The following TFDP1 variants were observed in gnomAD, a reference collection of about 807,000 sequenced individuals.
TFDP1 encodes DRTF1-polypeptide 1.
Under a neutral mutation model 48.0 loss-of-function variants are expected in TFDP1, and 6 were observed. That is an observed-to-expected ratio of 0.13 (90% CI 0.07 to 0.25). The LOEUF is 0.25. Among genes scored for constraint, TFDP1 ranks in the 10% least tolerant of loss-of-function variants. The pLI is 1.00. For missense variants in TFDP1, 335 were observed against 543.0 expected (o/e 0.62, Z 3.81); for synonymous variants, 201 against 211.6 (o/e 0.95, Z 0.44).
Position 113,631,515 on chromosome 13 carries a change from T to C in TFDP1, c.187-108T>C, listed in dbSNP as rs2049336667. On this transcript the variant is annotated intron_variant, in intron 4 of 11. Transcript: ENST00000375370. The stretch of plus-strand genomic sequence containing the variant: ...CCTGCTCCGTCATGGCTGCTCACTG[T>C]GGTTAAGGAAATTCAGCAGTGGCTG... 4 of 1,394,412 alleles carry C rather than the reference T, an allele frequency of 2.9e-6. No individual in the cohort carries two copies. In the African/African-American group the frequency reaches 4.4e-5, roughly 15 times the overall value. 86.4% of individuals were successfully genotyped at this position (1,394,412 alleles called of 1,614,324 possible). A position where few individuals can be genotyped will look rare whatever the true frequency, so the allele number is the denominator to read the frequency against.
Position 113,607,732 on chromosome 13 carries a change from C to T in TFDP1, c.13-3264C>T, listed in dbSNP as rs766178955. On this transcript the variant is annotated intron_variant, in intron 2 of 11. Coordinates refer to ENST00000375370, the MANE Select transcript of TFDP1 (RefSeq NM_007111.5). This position sits in a 1 kb window ranked among gnomAD's most constrained non-coding sequence, Gnocchi z 5.2. ...CTGCTGGGGAGGAAGAAGCACTGCC[C>T]GCAAGGAGGGGCTGTGCCAGTGGGT... 4.3e-4 allele frequency among the ~76,000 whole-genome samples: 65 copies of T among 152,242 alleles called. No homozygotes were observed. Among genetic ancestry groups the T allele is most frequent in the Non-Finnish European group, 6.0e-4 (41 of 67,994 alleles).
chr13:113,629,302 C>T (rs867809485), intron 4 of TFDP1, among the ~76,000 whole-genome samples: 63 of 152,214 alleles, frequency 4.1e-4, no homozygotes, highest in Admixed American at 2.9e-3. Flanking sequence ...AACGCATTCC[C>T]AGTGCACTGG....
chr13:113,609,835 G>C (rs9603849), intron 2 of TFDP1, among the ~76,000 whole-genome samples: 7,886 of 152,214 alleles, frequency 0.052, 554 homozygotes, highest in African/African-American at 0.16. Context: ...GTGGCCTCCT[G>C]GGACCCTGGG....
intron 3 of TFDP1, among the ~76,000 whole-genome samples, chr13:113,619,147 G>T (rs1007379186): frequency 6.6e-6 from 1 of 152,210 alleles, no homozygotes; most frequent in African/African-American, 2.4e-5. Flanking sequence ...TCATGTTATT[G>T]TTTGTATTTG....
chr13:113,596,634 G>A (rs1238370965), intron 2 of TFDP1, among the ~76,000 whole-genome samples: 1 of 152,250 alleles, frequency 6.6e-6, no homozygotes, highest in East Asian at 1.9e-4. Flanking sequence ...CAGGCCAGCG[G>A]TGGAGTCGGC....
rs776281605 is a variant in TFDP1, at chr13:113,598,235, G to A, written c.12+12386G>A. Among the ~76,000 whole-genome samples the A allele has an allele frequency of 1.3e-5, 2 of 152,178 alleles. No homozygotes were observed. Among genetic ancestry groups the A allele is most frequent in the African/African-American group, 2.4e-5 (1 of 41,440 alleles). Reference sequence around the variant, plus strand: ...CGGTGCAGCCCACCCCAAAGACAGCGGGAGGCAGGATGCAAGCACCTTTTT... The same window carrying A: ...CGGTGCAGCCCACCCCAAAGACAGCAGGAGGCAGGATGCAAGCACCTTTTT... On this transcript the variant is annotated intron_variant, in intron 2 of 11. Transcript: ENST00000375370. This position sits in a 1 kb window ranked among gnomAD's most constrained non-coding sequence, Gnocchi z 4.2.
Position 113,598,465 on chromosome 13 carries a change from G to GTGGA in TFDP1, c.13-12527_13-12524dup, listed in dbSNP as rs2048336383. ...CTGCCTTCCAAGTGTCTGCTCATGA[G>GTGGA]TGGATGGGCCCCACCCTCTGTGCCT... On this transcript the variant is annotated intron_variant, in intron 2 of 11. Coordinates refer to ENST00000375370, the MANE Select transcript of TFDP1 (RefSeq NM_007111.5). The surrounding 1 kb of genome is among the most constrained non-coding windows in gnomAD (Gnocchi z 4.2). Among the ~76,000 whole-genome samples, 1 of 152,180 alleles carries GTGGA rather than the reference G, an allele frequency of 6.6e-6. No individual in the cohort carries two copies. Among genetic ancestry groups the GTGGA allele is most frequent in the Admixed American group, 6.5e-5 (1 of 15,286 alleles).
At chr13:113,584,935 G>A (rs1164390265) in intron 1 of TFDP1, 47 bp downstream of exon 1, 1 of 146,360 alleles carries the variant, frequency 6.8e-6, no homozygotes, top group South Asian at 2.1e-4. Context: ...CGGGAGCCGG[G>A]GGTGCGGGCG....
intron 10 of TFDP1, chr13:113,637,364 C>T (rs2049518758): frequency 2.9e-6 from 1 of 345,482 alleles, no homozygotes; most frequent in Non-Finnish European, 5.6e-6. Flanking sequence ...TGCCCCAGAT[C>T]TTGTGAAAAT....
chr13:113,639,390 A>G (rs1037713158), intron 11 of TFDP1, among the ~76,000 whole-genome samples: 1 of 152,230 alleles, frequency 6.6e-6, no homozygotes, highest in Non-Finnish European at 1.5e-5. Flanking sequence ...GAGACATTTT[A>G]TACAAGTACC....
chr13:113,591,009 CAA>C (rs71101595), intron 2 of TFDP1, among the ~76,000 whole-genome samples: 8 of 59,856 alleles, frequency 1.3e-4, no homozygotes, highest in Admixed American at 6.4e-4. Flanking sequence ...GACTCTGTCT[CAA>C]AAAAAAAAAA....
chr13:113,626,160 C>CAGGTGTTTCT (rs2049174336), intron 4 of TFDP1, among the ~76,000 whole-genome samples: 1 of 148,418 alleles, frequency 6.7e-6, no homozygotes, highest in African/African-American at 2.6e-5. Flanking sequence ...TCAGGTGTCC[C>CAGGTGTTTCT]CAGGTGTCTC....
intron 2 of TFDP1, among the ~76,000 whole-genome samples, chr13:113,589,458 C>T (rs1330317271): frequency 6.6e-6 from 1 of 152,174 alleles, no homozygotes; most frequent in African/African-American, 2.4e-5. Context: ...ATGCCTGGCC[C>T]ACCCGGTCTG....
chr13:113,630,958 C>T lies in TFDP1; in HGVS notation c.187-665C>T, dbSNP rs374968288. On this transcript the variant is annotated intron_variant, in intron 4 of 11. Transcript: ENST00000375370. ...TGAGCCCCAGGGGCGTGTGGAGCCC[C>T]TACCTTCCGCCCCCAGTGCTGGTGG... is the stretch of plus-strand genomic sequence containing the variant. Among the ~76,000 whole-genome samples, 6 of 152,266 alleles carry T rather than the reference C, an allele frequency of 3.9e-5. No homozygotes were observed. The East Asian group carries it at 7.7e-4, about 20-fold the overall frequency.
In TFDP1 at chr13:113,633,949, C is replaced by A. The variant is rs1289188422; in HGVS notation, c.534C>A (p.Ala178=). 1 of 1,614,042 alleles carries A rather than the reference C, an allele frequency of 6.2e-7. No homozygotes were observed. The highest frequency in any genetic ancestry group is 8.5e-7 in the Non-Finnish European group (1 of 1,180,046). The change falls in exon 7 of 12, where the codon GCC becomes GCA. Residue 178 remains alanine, a synonymous_variant. Coordinates refer to ENST00000375370, the MANE Select transcript of TFDP1 (RefSeq NM_007111.5). The surrounding 1 kb of genome is among the most constrained non-coding windows in gnomAD (Gnocchi z 4.5). The stretch of plus-strand genomic sequence containing the variant: ...ACGATGCCTTAAACGTGCTAATGGC[C>A]ATGAACATCATCTCCAAGGAGAAGA... ...RVYDALNVLM[A]MNIISKEKKE...
intron 11 of TFDP1, among the ~76,000 whole-genome samples, chr13:113,639,877 C>T (rs2049597064): frequency 6.6e-6 from 1 of 152,250 alleles, no homozygotes; most frequent in Non-Finnish European, 1.5e-5. Context: ...CTCTGCTCAG[C>T]CTCCTGTTTC....
chr13:113,635,919 C>T lies in TFDP1; in HGVS notation c.688-58C>T, dbSNP rs978013443. 7.0e-6 allele frequency: 11 copies of T among 1,574,822 alleles called. No homozygotes were observed. In the African/African-American group the frequency reaches 9.5e-5, roughly 14 times the overall value. On this transcript the variant is annotated intron_variant, in intron 8 of 11. Transcript: ENST00000375370. ...GGGAGGGCTGTGAGGACCCCTCGAG[C>T]ACAGGGGCTGCGTTCTTGTGCCGCC...
chr13:113,633,800 G>A lies in TFDP1; in HGVS notation c.475-90G>A. 3.4e-6 allele frequency: 5 copies of A among 1,470,652 alleles called. No homozygotes were observed. In the South Asian group the frequency reaches 5.3e-5, roughly 16 times the overall value. The allele number at this position is 1,470,652 out of a possible 1,614,324, so 91.1% of individuals were successfully genotyped here. ...GGGGTGGCGGCTCCGTGAGCGGGGT[G>A]CCCCTTTGAGCCAGTGCCCATGGTC... is the stretch of plus-strand genomic sequence containing the variant. On this transcript the variant is annotated intron_variant, in intron 6 of 11. Coordinates refer to ENST00000375370, the MANE Select transcript of TFDP1 (RefSeq NM_007111.5). This position sits in a 1 kb window ranked among gnomAD's most constrained non-coding sequence, Gnocchi z 4.5.
chr13:113,630,939 C>T (rs1318309061), intron 4 of TFDP1, among the ~76,000 whole-genome samples: 1 of 152,170 alleles, frequency 6.6e-6, no homozygotes, highest in Admixed American at 6.5e-5. Context: ...TGTGTGAGCC[C>T]CAGGGGCGTG....
Sources: gnomAD v4.1 joint callset for allele counts (sites outside exome capture counted in the v4.1 genomes callset) on GRCh38, gnomAD v4.1.1 for gene constraint, Gnocchi (gnomAD v3.1) non-coding constraint, MANE v1.5 for transcripts, NCBI Gene and HGNC (gene_info 2026-07-23, HGNC 2026-07-21) for gene names.